SFMBT2: variants seen among roughly 807,000 people sequenced by gnomAD.
SFMBT2 encodes Scm like with four mbt domains 2.
A neutral mutation model predicts 110.1 loss-of-function variants in SFMBT2; 38 were observed. The observed-to-expected ratio is 0.35, with a 90% CI of 0.27 to 0.45. The LOEUF (loss-of-function observed/expected upper bound fraction) is 0.45. Ranked by LOEUF, SFMBT2 falls within the 20% of genes least tolerant of loss-of-function variation. SFMBT2 has a pLI of 1.00. For missense variants in SFMBT2, 1,011 were observed against 1,094.9 expected, an observed-to-expected ratio of 0.92 and a Z score of 1.08; for synonymous variants, 425 against 425.4, an observed-to-expected ratio of 1.00 and a Z score of 0.01.
chr10:7,244,674 C>G (rs186621054), intron 8 of SFMBT2, among the ~76,000 whole-genome samples: 93 of 152,272 alleles, frequency 6.1e-4, no homozygotes, highest in African/African-American at 1.7e-3. Context: ...AAAAAAGATC[C>G]CTTTCCCAAT....
At chr10:7,353,233 T>C (rs777072371) in intron 4 of SFMBT2, among the ~76,000 whole-genome samples, 4 of 152,056 alleles carry the variant, frequency 2.6e-5, no homozygotes, top group Admixed American at 6.5e-5. Context: ...TATGCACTGA[T>C]TGATATTAAA....
At chr10:7,235,688 C>T (rs933080329) in intron 9 of SFMBT2, among the ~76,000 whole-genome samples, 1 of 152,018 alleles carries the variant, frequency 6.6e-6, no homozygotes, top group Non-Finnish European at 1.5e-5. Flanking sequence ...CTAACAAATC[C>T]TCAATCTCAA....
intron 15 of SFMBT2, among the ~76,000 whole-genome samples, chr10:7,194,323 T>C (rs1405853370): frequency 1.3e-5 from 2 of 152,128 alleles, no homozygotes; most frequent in Non-Finnish European, 2.9e-5. Flanking sequence ...AGTAGAGCCA[T>C]GCATTAAAGA....
At chr10:7,288,292 C>A (rs535880042) in intron 4 of SFMBT2, among the ~76,000 whole-genome samples, 32 of 152,286 alleles carry the variant, frequency 2.1e-4, no homozygotes, top group Admixed American at 1.8e-3. Context: ...AAGGCCGAGT[C>A]CAGCTTTACC....
intron 8 of SFMBT2, 38 bp downstream of exon 8, chr10:7,248,510 C>G: frequency 6.4e-7 from 1 of 1,558,840 alleles, no homozygotes. Context: ...TTGATCCACT[C>G]TAGGGGCTGG....
chr10:7,238,579 C>T (rs1246931695), intron 9 of SFMBT2, among the ~76,000 whole-genome samples: 2 of 152,104 alleles, frequency 1.3e-5, no homozygotes, highest in African/African-American at 4.8e-5. Context: ...CTTTGTGTCT[C>T]AATAATAATT....
intron 17 of SFMBT2, among the ~76,000 whole-genome samples, chr10:7,173,786 C>G (rs140560916): frequency 6.6e-6 from 1 of 152,284 alleles, no homozygotes; most frequent in Non-Finnish European, 1.5e-5. Context: ...GAACCTTTAT[C>G]TACGAATGGG....
At chr10:7,267,069 G>A (rs1259570032) in intron 7 of SFMBT2, among the ~76,000 whole-genome samples, 4 of 152,176 alleles carry the variant, frequency 2.6e-5, no homozygotes, top group Non-Finnish European at 5.9e-5. Flanking sequence ...CTAAGAGTTG[G>A]GAATTCTGGT....
At chr10:7,401,861 G>A (rs951061403) in intron 1 of SFMBT2, among the ~76,000 whole-genome samples, 1 of 152,110 alleles carries the variant, frequency 6.6e-6, no homozygotes, top group Non-Finnish European at 1.5e-5. Flanking sequence ...CATTCCACGG[G>A]ACATTTCTCC....
intron 4 of SFMBT2, among the ~76,000 whole-genome samples, chr10:7,313,119 TA>T (rs1266909089): frequency 1.3e-5 from 2 of 151,890 alleles, no homozygotes; most frequent in Non-Finnish European, 2.9e-5. Flanking sequence ...GTACATCCCA[TA>T]AGTCATGAAG....
chr10:7,266,136 C>G (rs997265019), intron 7 of SFMBT2, among the ~76,000 whole-genome samples: 2 of 151,728 alleles, frequency 1.3e-5, no homozygotes, highest in Non-Finnish European at 2.9e-5. Flanking sequence ...GTCACCCAGG[C>G]TGGAGTGCAA....
chr10:7,293,028 T>C lies in SFMBT2; in HGVS notation c.437-7074A>G, dbSNP rs183561275. The stretch of plus-strand genomic sequence containing the variant: ...ATTTAACAAAGACATTATCTAAGAA[T>C]TGTTGGAAGCAAATGACACAGCCCT... On this transcript the variant is annotated intron_variant, in intron 4 of 20. Transcript: ENST00000397167. The surrounding 1 kb of genome is among the most constrained non-coding windows in gnomAD (Gnocchi z 4.6). Among the ~76,000 whole-genome samples the C allele has an allele frequency of 3.9e-5, 6 of 152,182 alleles. No individual in the cohort carries two copies. Among genetic ancestry groups the C allele is most frequent in the Admixed American group, 2.6e-4 (4 of 15,278 alleles).
intron 7 of SFMBT2, among the ~76,000 whole-genome samples, chr10:7,275,797 G>A (rs1490617510): frequency 2.6e-5 from 4 of 152,220 alleles, no homozygotes; most frequent in Non-Finnish European, 5.9e-5. Flanking sequence ...TGCTTAAAAG[G>A]CTGAGTGAGG....
intron 16 of SFMBT2, among the ~76,000 whole-genome samples, chr10:7,177,974 G>C (rs954944063): frequency 3.9e-5 from 6 of 152,316 alleles, no homozygotes; most frequent in Admixed American, 6.5e-5. Context: ...AAGCCAAAAA[G>C]AGAAGCTTAA....
At chr10:7,389,759 G>A (rs1418634159) in intron 1 of SFMBT2, among the ~76,000 whole-genome samples, 2 of 152,212 alleles carry the variant, frequency 1.3e-5, no homozygotes, top group African/African-American at 4.8e-5. Context: ...AGCTTGATGA[G>A]ATGCAATCAC....
At chr10:7,325,424 C>A (rs1023540796) in intron 4 of SFMBT2, among the ~76,000 whole-genome samples, 1 of 152,152 alleles carries the variant, frequency 6.6e-6, no homozygotes, top group Admixed American at 6.5e-5. Context: ...TCTATTATCA[C>A]AAGGTATCTG....
intron 20 of SFMBT2, among the ~76,000 whole-genome samples, chr10:7,168,660 G>A (rs1306402306): frequency 6.6e-6 from 1 of 152,222 alleles, no homozygotes; most frequent in Non-Finnish European, 1.5e-5. Flanking sequence ...ATGCCAGACA[G>A]GCAACGTGCT....
At chr10:7,206,974 C>T (rs1839156191) in intron 11 of SFMBT2, 2 of 980,236 alleles carry the variant, frequency 2.0e-6, no homozygotes, top group Middle Eastern at 5.2e-4. Flanking sequence ...GACTGTAATC[C>T]CAGCACTTTG....
intron 8 of SFMBT2, among the ~76,000 whole-genome samples, chr10:7,248,239 A>G (rs1051439789): frequency 2.6e-5 from 4 of 152,250 alleles, no homozygotes; most frequent in Non-Finnish European, 4.4e-5. Flanking sequence ...ACTACTACCC[A>G]TGCAGGAAGA....
Sources: gnomAD v4.1 joint callset for allele counts (sites outside exome capture counted in the v4.1 genomes callset) on GRCh38, gnomAD v4.1.1 for gene constraint, Gnocchi (gnomAD v3.1) non-coding constraint, MANE v1.5 for transcripts, NCBI Gene and HGNC (gene_info 2026-07-23, HGNC 2026-07-21) for gene names.